The following ABCD2 variants were observed in gnomAD, a reference collection of about 807,000 sequenced individuals.
ABCD2 encodes ATP binding cassette subfamily D member 2, also known as ATP-binding cassette sub-family D member 2.
Under a neutral mutation model 70.9 loss-of-function variants are expected in ABCD2, and 36 were observed. The observed-to-expected ratio is 0.51, with a 90% CI of 0.39 to 0.67. The LOEUF (loss-of-function observed/expected upper bound fraction) is 0.67, where lower values mean the gene tolerates loss of function less well. ABCD2 is among the 30% of genes least tolerant of loss of function. The pLI, the probability that ABCD2 is intolerant of heterozygous loss-of-function variation, is 0.00. For synonymous variants in ABCD2, 304 were observed against 306.9 expected, an observed-to-expected ratio of 0.99 and a Z score of 0.10; for missense variants, 729 against 890.2, an observed-to-expected ratio of 0.82 and a Z score of 2.30.
At chr12:39,534,432 T>A in the ABCD2 span, among the ~76,000 whole-genome samples, 10 of 152,290 alleles carry the variant, frequency 6.6e-5, no homozygotes, top group African/African-American at 1.9e-4. Context: ...CTGTAAAAAT[T>A]GGGCTTACAC....
At chr12:39,613,504 TC>T (rs1278124775) in intron 2 of ABCD2, among the ~76,000 whole-genome samples, 1 of 151,688 alleles carries the variant, frequency 6.6e-6, no homozygotes, top group East Asian at 1.9e-4. Context: ...GGGGTGATAG[TC>T]TTTAAAAATA....
chr12:39,615,561 A>T (rs1284824621), intron 2 of ABCD2, among the ~76,000 whole-genome samples: 1 of 152,032 alleles, frequency 6.6e-6, no homozygotes, highest in African/African-American at 2.4e-5. Flanking sequence ...GATAAAATTC[A>T]ATTTTCTCAG....
downstream of ABCD2, among the ~76,000 whole-genome samples, chr12:39,549,160 G>A (rs1217074050): frequency 6.6e-6 from 1 of 151,928 alleles, no homozygotes; most frequent in East Asian, 1.9e-4. Flanking sequence ...GGATGATATA[G>A]TCCTAAGGAC....
chr12:39,600,912 T>C (rs1941888849), intron 5 of ABCD2, among the ~76,000 whole-genome samples, 196 bp from the exon 6 acceptor site: 1 of 152,156 alleles, frequency 6.6e-6, no homozygotes, highest in Admixed American at 6.5e-5. Flanking sequence ...CATCATAAAA[T>C]AATTCAATTC....
At position 39,552,950 on chromosome 12, in the gene ABCD2, T is replaced by C. The variant is rs554076399; in HGVS notation, c.*962A>G. 8 of 152,038 alleles carry C rather than the reference T, an allele frequency of 5.3e-5. No homozygotes were observed. The East Asian group carries it at 1.2e-3, about 22-fold the overall frequency. 9.4% of individuals were successfully genotyped at this position (152,038 alleles called of 1,614,324 possible). A position where few individuals can be genotyped will look rare whatever the true frequency, so the allele number is the denominator to read the frequency against. On this transcript the variant is annotated 3_prime_UTR_variant, in exon 10 of 10. Transcript: ENST00000308666. ...TTTCTCAAAAGCAAAGTAGGAAAAA[T>C]AGTATTTGTTTCAAAACATTGTCAT... is the stretch of plus-strand genomic sequence containing the variant.
rs1941477690 is a variant in ABCD2, at chr12:39,573,646, T to G, written c.2003+70A>C. The G allele has an allele frequency of 4.5e-6, 7 of 1,546,302 alleles. No homozygotes were observed. The South Asian group carries it at 7.5e-5, about 16-fold the overall frequency. On this transcript the variant is annotated intron_variant, in intron 9 of 9. Transcript: ENST00000308666. Reference sequence around the variant, plus strand: ...TACCCTACCCTCTACTGTGAAAAATTTAGCAAAGTTATTTTTTGAGAAATT... The same window carrying G: ...TACCCTACCCTCTACTGTGAAAAATGTAGCAAAGTTATTTTTTGAGAAATT...
In ABCD2 at chr12:39,554,127, A is replaced by G; in HGVS notation, c.2008T>C (p.Tyr670His). The change falls in exon 10 of 10, where the codon TAC becomes CAC. Residue 670 changes from tyrosine to histidine, a missense_variant. Tyr to His is a moderately conservative substitution (Grantham distance 83, BLOSUM62 2). Coordinates refer to ENST00000308666, the MANE Select transcript of ABCD2 (RefSeq NM_005164.4). Reference sequence around the variant, plus strand: ...TCAAACTGTAATAAATGTGTGTGGTATTTCCTGCATAATTAAAATGAAATA... The same window carrying G: ...TCAAACTGTAATAAATGTGTGTGGTGTTTCCTGCATAATTAAAATGAAATA... ...SITHRPSLWK[Y>H]HTHLLQFDGE... is the part of the protein sequence containing the mutation. The G allele has an allele frequency of 1.2e-6, 2 of 1,603,474 alleles. No individual in the cohort carries two copies. The highest frequency in any genetic ancestry group is 1.7e-6 in the Non-Finnish European group (2 of 1,175,156).
intron 2 of ABCD2, among the ~76,000 whole-genome samples, chr12:39,610,581 T>C (rs544066483): frequency 1.2e-4 from 19 of 152,276 alleles, no homozygotes; most frequent in African/African-American, 4.6e-4. Context: ...CTAAAATAAT[T>C]ATGGAATTTT....
At chr12:39,591,545 C>T (rs1941746234) in intron 6 of ABCD2, among the ~76,000 whole-genome samples, 1 of 152,030 alleles carries the variant, frequency 6.6e-6, no homozygotes, top group Admixed American at 6.6e-5. Context: ...AACCCCATCT[C>T]TACTAAAAAT....
rs1361864552 is a variant in ABCD2, at chr12:39,552,955, T to G, written c.*957A>C. The G allele has an allele frequency of 6.6e-6, 1 of 151,982 alleles. No individual in the cohort carries two copies. The highest frequency in any genetic ancestry group is 1.9e-4 in the East Asian group (1 of 5,192). 9.4% of individuals were successfully genotyped at this position (151,982 alleles called of 1,614,324 possible). ...CAAAAGCAAAGTAGGAAAAATAGTATTTGTTTCAAAACATTGTCATCAACA... is the reference window on the plus strand; with the variant it reads ...CAAAAGCAAAGTAGGAAAAATAGTAGTTGTTTCAAAACATTGTCATCAACA... On this transcript the variant is annotated 3_prime_UTR_variant, in exon 10 of 10. Transcript: ENST00000308666.
the ABCD2 span, among the ~76,000 whole-genome samples, chr12:39,536,803 T>C: frequency 3.9e-5 from 6 of 152,202 alleles, no homozygotes; most frequent in African/African-American, 1.2e-4. Context: ...TGTGTGTTTG[T>C]TTTTTGGCCA....
At chr12:39,614,601 A>G (rs1449482937) in intron 2 of ABCD2, among the ~76,000 whole-genome samples, 1 of 151,840 alleles carries the variant, frequency 6.6e-6, no homozygotes, top group Non-Finnish European at 1.5e-5. Context: ...TTTACCTCTA[A>G]CATAAGGGAC....
intron 2 of ABCD2, among the ~76,000 whole-genome samples, chr12:39,610,912 C>T (rs1264845083): frequency 6.6e-6 from 1 of 152,114 alleles, no homozygotes; most frequent in East Asian, 1.9e-4. Context: ...TTCCTTAGTG[C>T]CAGAGATATA....
intron 9 of ABCD2, among the ~76,000 whole-genome samples, chr12:39,557,061 A>G (rs1178560380): frequency 6.6e-6 from 1 of 151,890 alleles, no homozygotes; most frequent in East Asian, 1.9e-4. Flanking sequence ...AACAATTTTG[A>G]GGGCTCAGAA....
At chr12:39,588,020 A>G (rs1188254809) in intron 6 of ABCD2, among the ~76,000 whole-genome samples, 1 of 152,196 alleles carries the variant, frequency 6.6e-6, no homozygotes, top group Non-Finnish European at 1.5e-5. Context: ...TGTATATTGT[A>G]GGATTGGTTA....
intron 7 of ABCD2, among the ~76,000 whole-genome samples, chr12:39,582,548 T>C (rs1941610279): frequency 6.6e-6 from 1 of 152,178 alleles, no homozygotes; most frequent in South Asian, 2.1e-4. Flanking sequence ...TAAATTTCTA[T>C]TTGGATCATT....
At chr12:39,542,333 C>T in the ABCD2 span, among the ~76,000 whole-genome samples, 15,327 of 151,574 alleles carry the variant, frequency 0.1, 787 homozygotes, top group East Asian at 0.16. Flanking sequence ...TGTGGTGGCA[C>T]GAACCTGTAG....
chr12:39,580,219 G>C (rs913201930), intron 7 of ABCD2, among the ~76,000 whole-genome samples: 1 of 152,164 alleles, frequency 6.6e-6, no homozygotes, highest in African/African-American at 2.4e-5. Flanking sequence ...GGGACTACAG[G>C]TGTGAGCTGC....
the ABCD2 span, among the ~76,000 whole-genome samples, chr12:39,532,293 C>T: frequency 6.6e-6 from 1 of 152,100 alleles, no homozygotes; most frequent in Admixed American, 6.5e-5. Flanking sequence ...AGTGGCAGGG[C>T]TTGAAATGAA....
Sources: allele counts gnomAD v4.1 joint callset (sites outside exome capture counted in the v4.1 genomes callset), GRCh38; gene constraint gnomAD v4.1.1; transcripts MANE v1.5; gene names NCBI Gene and HGNC (gene_info 2026-07-23, HGNC 2026-07-21).